VPS13B: variants seen among roughly 807,000 people sequenced by gnomAD.
The protein encoded by VPS13B is intermembrane lipid transfer protein VPS13B.
In VPS13B, 285 loss-of-function variants were observed where a neutral mutation model predicts 426.4. The observed-to-expected ratio is 0.67, with a 90% confidence interval of 0.61 to 0.74. The LOEUF is 0.74. Among genes scored for constraint, VPS13B ranks in the 30% least tolerant of loss-of-function variants. The pLI, the probability that VPS13B is intolerant of heterozygous loss-of-function variation, is 0.00. For synonymous variants in VPS13B, 1,676 were observed against 1,676.4 expected, an observed-to-expected ratio of 1.00 and a Z score of 0.01; for missense variants, 4,537 against 4,782.6, an observed-to-expected ratio of 0.95 and a Z score of 1.51.
intron 3 of VPS13B, among the ~76,000 whole-genome samples, chr8:99,041,201 C>A (rs910708555): frequency 6.6e-6 from 1 of 152,144 alleles, no homozygotes; most frequent in African/African-American, 2.4e-5. Flanking sequence ...TATATTGAAA[C>A]TTCACTCATG....
chr8:99,106,358 C>G (rs933708756), intron 5 of VPS13B, among the ~76,000 whole-genome samples: 1 of 149,088 alleles, frequency 6.7e-6, no homozygotes, highest in Non-Finnish European at 1.5e-5. Flanking sequence ...TCACTTGAAC[C>G]CAGGAGGCGG....
chr8:99,805,748 A>T (rs1813365534), intron 43 of VPS13B, among the ~76,000 whole-genome samples: 1 of 152,184 alleles, frequency 6.6e-6, no homozygotes, highest in Non-Finnish European at 1.5e-5. Context: ...GCCACTATAC[A>T]ACCTGCCTTA....
At chr8:99,297,782 T>C (rs1263814933) in intron 19 of VPS13B, among the ~76,000 whole-genome samples, 1 of 152,222 alleles carries the variant, frequency 6.6e-6, no homozygotes, top group Non-Finnish European at 1.5e-5. Context: ...TTTTCTTCTG[T>C]ACCTGCCTTT....
chr8:99,630,292 T>C (rs750210658), intron 33 of VPS13B, among the ~76,000 whole-genome samples: 44 of 152,162 alleles, frequency 2.9e-4, no homozygotes, highest in Non-Finnish European at 7.3e-5. Context: ...AAATGGGACA[T>C]TTTCTTTTCC....
At chr8:99,080,010 TTAA>T (rs1845357501) in intron 3 of VPS13B, among the ~76,000 whole-genome samples, 1 of 150,772 alleles carries the variant, frequency 6.6e-6, no homozygotes, top group African/African-American at 2.4e-5. Context: ...CATATTATAA[TTAA>T]TAATGTGTAA....
intron 36 of VPS13B, among the ~76,000 whole-genome samples, chr8:99,709,146 G>T (rs964773799): frequency 1.3e-5 from 2 of 152,122 alleles, no homozygotes; most frequent in Non-Finnish European, 2.9e-5. Flanking sequence ...ATGCAAATCA[G>T]CTTCCGGATG....
At chr8:99,582,906 T>C (rs1047038240) in intron 33 of VPS13B, among the ~76,000 whole-genome samples, 13 of 152,294 alleles carry the variant, frequency 8.5e-5, no homozygotes, top group Admixed American at 2.6e-4. Flanking sequence ...CCGCCTGCCT[T>C]GGCCTCCCAA....
rs1833108064 is a variant in VPS13B, at chr8:99,721,009, C to T, written c.7012C>T (p.Pro2338Ser). ...TGTACCTTTTAACACCACAGAGGATCCAGATATTAGCACAGCAGACCTTGG... is the reference window on the plus strand; with the variant it reads ...TGTACCTTTTAACACCACAGAGGATTCAGATATTAGCACAGCAGACCTTGG... ...TPVPFNTTED[P>S]DISTADLGDV... The change falls in exon 39 of 62, where the codon CCA becomes TCA. Residue 2338 changes from proline (P) to serine (S), a missense_variant. Physicochemically the swap from Pro to Ser is moderately conservative, Grantham distance 74 (BLOSUM62 -1). This residue lies in a region of VPS13B where 4,311 missense variants were observed against 4,474.3 expected (regional missense o/e 0.96). Transcript: ENST00000357162. 2.5e-6 allele frequency: 4 copies of T among 1,613,818 alleles called. No homozygotes were observed. Among genetic ancestry groups the T allele is most frequent in the Admixed American group, 3.3e-5 (2 of 59,982 alleles).
intron 19 of VPS13B, among the ~76,000 whole-genome samples, chr8:99,304,162 G>A (rs749973679): frequency 6.6e-5 from 10 of 152,120 alleles, no homozygotes; most frequent in Non-Finnish European, 1.2e-4. Flanking sequence ...GGGTTGTCAT[G>A]AAGATTAATG....
At chr8:99,811,208 G>A (rs1300530133) in intron 44 of VPS13B, among the ~76,000 whole-genome samples, 1 of 152,086 alleles carries the variant, frequency 6.6e-6, no homozygotes, top group African/African-American at 2.4e-5. Context: ...GCTACCACCA[G>A]CTAAGTTTTC....
At chr8:99,479,128 G>A (rs1428871601) in intron 24 of VPS13B, among the ~76,000 whole-genome samples, 2 of 152,050 alleles carry the variant, frequency 1.3e-5, no homozygotes, top group Non-Finnish European at 2.9e-5. Context: ...CATCAGCCCT[G>A]TATCTTGTCT....
At chr8:99,493,653 C>T (rs1820732965) in intron 25 of VPS13B, among the ~76,000 whole-genome samples, 1 of 151,766 alleles carries the variant, frequency 6.6e-6, no homozygotes, top group African/African-American at 2.4e-5. Context: ...GGTGTGGTGG[C>T]GTGTGCCTGT....
At chr8:99,519,889 A>G (rs910408970) in intron 29 of VPS13B, among the ~76,000 whole-genome samples, 1 of 152,136 alleles carries the variant, frequency 6.6e-6, no homozygotes, top group Admixed American at 6.5e-5. Flanking sequence ...AACATGGCAC[A>G]TGTATACATA....
chr8:99,224,281 A>G (rs1815893732), intron 17 of VPS13B, among the ~76,000 whole-genome samples: 1 of 152,232 alleles, frequency 6.6e-6, no homozygotes, highest in African/African-American at 2.4e-5. Flanking sequence ...CTTCATAGAA[A>G]CATATGGAAA....
intron 3 of VPS13B, among the ~76,000 whole-genome samples, chr8:99,077,513 T>G (rs1845198828): frequency 1.3e-5 from 2 of 152,192 alleles, no homozygotes; most frequent in African/African-American, 4.8e-5. Flanking sequence ...AATAGTTTTC[T>G]TGGTGGGCAG....
At chr8:99,051,318 C>T (rs1215792936) in intron 3 of VPS13B, among the ~76,000 whole-genome samples, 1 of 152,106 alleles carries the variant, frequency 6.6e-6, no homozygotes, top group Non-Finnish European at 1.5e-5. Context: ...TTTGTCAGGT[C>T]TGTCAAAGGT....
rs545913738 is a variant in VPS13B, at chr8:99,241,770, T to C, written c.2516-32428T>C. Among the ~76,000 whole-genome samples the C allele has an allele frequency of 2.0e-5, 3 of 152,310 alleles. No individual in the cohort carries two copies. In the South Asian group the frequency reaches 6.2e-4, roughly 32 times the overall value. ...ATGAAGAAATATATTTTATTGACTA[T>C]ATCCATCCCAAACAAGAATAATGAT... On this transcript the variant is annotated intron_variant, in intron 17 of 61. Coordinates refer to ENST00000357162, the MANE Select transcript of VPS13B (RefSeq NM_152564.5).
At chr8:99,611,856 G>A (rs1471259587) in intron 33 of VPS13B, among the ~76,000 whole-genome samples, 1 of 151,892 alleles carries the variant, frequency 6.6e-6, no homozygotes, top group Non-Finnish European at 1.5e-5. Flanking sequence ...ACAGATAAAG[G>A]ATAAGATGTG....
chr8:99,064,211 C>T (rs1044454615), intron 3 of VPS13B, among the ~76,000 whole-genome samples: 9 of 152,114 alleles, frequency 5.9e-5, no homozygotes, highest in Admixed American at 3.3e-4. Flanking sequence ...CCCAAAGGAT[C>T]GTAGCTCCTC....
Sources: gnomAD v4.1 joint callset for allele counts (sites outside exome capture counted in the v4.1 genomes callset) on GRCh38, gnomAD v4.1.1 for gene constraint, gnomAD v4.1.1 regional missense constraint, MANE v1.5 for transcripts, NCBI Gene and HGNC (gene_info 2026-07-23, HGNC 2026-07-21) for gene names.